Variants in C10orf71 observed in about 807,000 individuals in gnomAD.
C10orf71 encodes the protein chromosome 10 open reading frame 71.
For synonymous variants in C10orf71, 758 were observed against 726.3 expected (o/e 1.04, Z -0.70); for missense variants, 1,869 against 1,804.5 (o/e 1.04, Z -0.65).
At chr10:49,307,974 G>C (rs1848844985) in intron 1 of C10orf71, among the ~76,000 whole-genome samples, 1 of 152,176 alleles carries the variant, frequency 6.6e-6, no homozygotes, top group African/African-American at 2.4e-5. Flanking sequence ...CTCAACTGTA[G>C]GCACAGCCCT....
chr10:49,311,199 G>T (rs960585861), intron 1 of C10orf71, among the ~76,000 whole-genome samples: 1 of 152,184 alleles, frequency 6.6e-6, no homozygotes, highest in Admixed American at 6.5e-5. Context: ...CACCCAGTGG[G>T]GCTCTGGTCC....
chr10:49,321,267 A>G (rs1199960452), intron 2 of C10orf71, among the ~76,000 whole-genome samples: 1 of 151,348 alleles, frequency 6.6e-6, no homozygotes, highest in Non-Finnish European at 1.5e-5. Flanking sequence ...CTCTGCTTCT[A>G]TGAGTTTGAC....
rs184399452 is a variant in C10orf71, at chr10:49,326,495, G to T, written c.3950G>T (p.Gly1317Val). ...YVKVSIPSSEGASPEPPPPDA... is the reference protein window; with the variant it reads ...YVKVSIPSSEVASPEPPPPDA... Reference sequence around the variant, plus strand: ...AAGGTCTCCATCCCGTCCTCCGAGGGGGCCTCCCCAGAGCCGCCCCCACCG... The same window carrying T: ...AAGGTCTCCATCCCGTCCTCCGAGGTGGCCTCCCCAGAGCCGCCCCCACCG... Residue 1317 changes from glycine (G) to valine (V), a missense_variant, in exon 3 of 3, where the codon GGG becomes GTG. Physicochemically the swap from Gly to Val is moderately radical, Grantham distance 109 (BLOSUM62 -3). Coordinates refer to ENST00000374144, the MANE Select transcript of C10orf71 (RefSeq NM_001135196.2). The T allele has an allele frequency of 6.9e-4, 1,071 of 1,550,320 alleles. 17 individuals carry two copies. In the East Asian group the frequency reaches 0.023, roughly 33 times the overall value.
In C10orf71 at chr10:49,322,541, A is replaced by T. The variant is rs1450465474; in HGVS notation, c.-5A>T. Reference sequence around the variant, plus strand: ...TGACAAGGACAGCTTTCTTGGAGCCAACAGATGATGCAAGGAAATAAGAAG... The same window carrying T: ...TGACAAGGACAGCTTTCTTGGAGCCTACAGATGATGCAAGGAAATAAGAAG... On this transcript the variant is annotated 5_prime_UTR_variant, in exon 3 of 3. Coordinates refer to ENST00000374144, the MANE Select transcript of C10orf71 (RefSeq NM_001135196.2). 2.1e-5 allele frequency: 34 copies of T among 1,595,782 alleles called. No individual in the cohort carries two copies. The highest frequency in any genetic ancestry group is 2.8e-5 in the Non-Finnish European group (33 of 1,168,082).
intron 1 of C10orf71, among the ~76,000 whole-genome samples, chr10:49,311,960 G>T (rs1564685359): frequency 1.3e-5 from 2 of 152,216 alleles, no homozygotes; most frequent in Admixed American, 6.5e-5. Flanking sequence ...GCATCATGAG[G>T]CATGGCATGG....
intron 1 of C10orf71, among the ~76,000 whole-genome samples, chr10:49,302,764 G>A (rs923108419): frequency 2.0e-5 from 3 of 152,172 alleles, no homozygotes. Flanking sequence ...TGCCTAGAGA[G>A]GTGCACAGGC....
Position 49,312,191 on chromosome 10 carries a change from G to A in C10orf71, c.-247-3954G>A, listed in dbSNP as rs185549209. The stretch of plus-strand genomic sequence containing the variant: ...ATTCTCAGGGCTCCAAGGCTACAGG[G>A]CACTACCAGTTCACCCATGCACATA... On this transcript the variant is annotated intron_variant, in intron 1 of 2. Transcript: ENST00000374144. Among the ~76,000 whole-genome samples, 516 of 152,296 alleles carry A rather than the reference G, an allele frequency of 3.4e-3. 2 individuals carry two copies. Among genetic ancestry groups the A allele is most frequent in the African/African-American group, 0.011 (459 of 41,576 alleles).
At position 49,322,674 on chromosome 10, in the gene C10orf71, C is replaced by T. The variant is rs200851025; in HGVS notation, c.129C>T (p.Ser43=). ...TDRAFRSLCI[S]EDTSFHDSYL... is the part of the protein sequence containing the mutation. Reference sequence around the variant, plus strand: ...GGGCATTCCGGAGTTTGTGCATCTCCGAGGACACATCCTTCCATGACTCCT... The same window carrying T: ...GGGCATTCCGGAGTTTGTGCATCTCTGAGGACACATCCTTCCATGACTCCT... Residue 43 remains serine, a synonymous_variant, in exon 3 of 3, where the codon TCC becomes TCT. Coordinates refer to ENST00000374144, the MANE Select transcript of C10orf71 (RefSeq NM_001135196.2). 2.0e-4 allele frequency: 320 copies of T among 1,613,756 alleles called. No homozygotes were observed. In the African/African-American group the frequency reaches 3.8e-3, roughly 19 times the overall value.
chr10:49,312,171 C>T (rs539134173), intron 1 of C10orf71, among the ~76,000 whole-genome samples: 1 of 152,302 alleles, frequency 6.6e-6, no homozygotes, highest in Non-Finnish European at 1.5e-5. Flanking sequence ...GTGTAATTCT[C>T]AGGGCTCCAA....
Position 49,323,643 on chromosome 10 carries a change from C to T in C10orf71, c.1098C>T (p.Pro366=). The change falls in exon 3 of 3, where the codon CCC becomes CCT. Residue 366 remains proline (P), a synonymous_variant. Coordinates refer to ENST00000374144, the MANE Select transcript of C10orf71 (RefSeq NM_001135196.2). The part of the protein sequence containing the change: ...AQVFAVEGKA[P]SSQPDSQEKP... ...TATTTGCTGTGGAAGGAAAAGCTCC[C>T]AGCTCACAACCTGATTCTCAAGAGA... is the stretch of plus-strand genomic sequence containing the variant. The T allele has an allele frequency of 6.2e-7, 1 of 1,606,938 alleles. No individual in the cohort carries two copies. The highest frequency in any genetic ancestry group is 8.5e-7 in the Non-Finnish European group (1 of 1,177,864).
intron 1 of C10orf71, among the ~76,000 whole-genome samples, chr10:49,302,655 G>A (rs1239610877): frequency 1.3e-5 from 2 of 152,208 alleles, no homozygotes; most frequent in Admixed American, 1.3e-4. Context: ...CCCATGTCTT[G>A]TACTCACTGC....
chr10:49,305,485 G>A (rs1590323898), intron 1 of C10orf71, among the ~76,000 whole-genome samples: 1 of 152,064 alleles, frequency 6.6e-6, no homozygotes, highest in Non-Finnish European at 1.5e-5. Flanking sequence ...AATAATACTA[G>A]GTTATAAAGT....
At chr10:49,307,303 C>T (rs946068986) in intron 1 of C10orf71, among the ~76,000 whole-genome samples, 4 of 152,234 alleles carry the variant, frequency 2.6e-5, no homozygotes, top group Admixed American at 6.5e-5. Context: ...GCTGCTGAGG[C>T]TGGGCCCCTT....
chr10:49,299,915 T>G (rs1848696217), intron 1 of C10orf71, among the ~76,000 whole-genome samples: 2 of 152,246 alleles, frequency 1.3e-5, no homozygotes, highest in African/African-American at 4.8e-5. Flanking sequence ...CTGTGGGCTC[T>G]GCGAGCATGT....
At position 49,310,478 on chromosome 10, in the gene C10orf71, C is replaced by T. The variant is rs1439508277; in HGVS notation, c.-247-5667C>T. Among the ~76,000 whole-genome samples the T allele has an allele frequency of 2.0e-5, 3 of 152,308 alleles. No homozygotes were observed. The East Asian group carries it at 5.8e-4, about 29-fold the overall frequency. On this transcript the variant is annotated intron_variant, in intron 1 of 2. Coordinates refer to ENST00000374144, the MANE Select transcript of C10orf71 (RefSeq NM_001135196.2). Reference sequence around the variant, plus strand: ...TGGTAAGGTGGTGAGCCCAGGCTGACTCGTCCCCAGTTCTTCCCTGTCTTT... The same window carrying T: ...TGGTAAGGTGGTGAGCCCAGGCTGATTCGTCCCCAGTTCTTCCCTGTCTTT...
chr10:49,323,601 G>A lies in C10orf71; in HGVS notation c.1056G>A (p.Arg352=). Residue 352 remains arginine (R), a synonymous_variant, in exon 3 of 3, where the codon AGG becomes AGA. Coordinates refer to ENST00000374144, the MANE Select transcript of C10orf71 (RefSeq NM_001135196.2). ...ALSTSIPWGC[R]DPGAQVFAVE... ...CCACATCTATACCCTGGGGGTGCAG[G>A]GATCCAGGAGCCCAGGTATTTGCTG... 1.2e-6 allele frequency: 2 copies of A among 1,600,906 alleles called. No homozygotes were observed. Among genetic ancestry groups the A allele is most frequent in the South Asian group, 2.3e-5 (2 of 88,798 alleles).
chr10:49,324,784 T>C lies in C10orf71; in HGVS notation c.2239T>C (p.Trp747Arg). 6.4e-7 allele frequency: 1 copy of C among 1,552,722 alleles called. No individual in the cohort carries two copies. The highest frequency in any genetic ancestry group is 1.2e-5 in the South Asian group (1 of 84,194). Residue 747 changes from tryptophan (W) to arginine (R), a missense_variant, in exon 3 of 3, where the codon TGG becomes CGG. Coordinates refer to ENST00000374144, the MANE Select transcript of C10orf71 (RefSeq NM_001135196.2). ...CTCATTTGATGATCAGCAGAAGATG[T>C]GGTTTACTGAGAACCAGCGGGAAGA... ...FASFDDQQKM[W>R]FTENQREDRR...
rs771081869 is a variant in C10orf71 at position 49,324,705 on chromosome 10, A to G, written c.2160A>G (p.Pro720=). The change falls in exon 3 of 3, where the codon CCA becomes CCG. Residue 720 remains proline, a synonymous_variant. Coordinates refer to ENST00000374144, the MANE Select transcript of C10orf71 (RefSeq NM_001135196.2). ...FYSDSQSDFM[P]SLKGKAKFST... is the part of the protein sequence containing the mutation. ...GTGACAGCCAATCCGATTTTATGCC[A>G]AGCCTCAAAGGTAAGGCCAAATTCA... 1.9e-6 allele frequency: 3 copies of G among 1,601,200 alleles called. No individual in the cohort carries two copies. Among genetic ancestry groups the G allele is most frequent in the Non-Finnish European group, 2.6e-6 (3 of 1,172,734 alleles).
intron 1 of C10orf71, among the ~76,000 whole-genome samples, chr10:49,314,016 A>T (rs1848958887): frequency 6.6e-6 from 1 of 152,182 alleles, no homozygotes; most frequent in South Asian, 2.1e-4. Flanking sequence ...CAAGGAGAGG[A>T]AGAGACTAAA....
Sources: allele counts gnomAD v4.1 joint callset (sites outside exome capture counted in the v4.1 genomes callset), GRCh38; gene constraint gnomAD v4.1.1; transcripts MANE v1.5; gene names NCBI Gene and HGNC (gene_info 2026-07-23, HGNC 2026-07-21).